The following DENND1A variants were observed in gnomAD, a reference collection of about 807,000 sequenced individuals.
DENND1A encodes the protein DENN domain containing 1A.
Under a neutral mutation model 113.7 loss-of-function variants are expected in DENND1A, and 51 were observed. That is an observed-to-expected ratio of 0.45 (90% CI 0.36 to 0.57). DENND1A has a LOEUF of 0.57. Among genes scored for constraint, DENND1A ranks in the 20% least tolerant of loss-of-function variants. DENND1A has a pLI of 0.00. For synonymous variants in DENND1A, 565 were observed against 570.8 expected, an observed-to-expected ratio of 0.99 and a Z score of 0.14; for missense variants, 1,258 against 1,395.9, an observed-to-expected ratio of 0.90 and a Z score of 1.57.
chr9:123,801,201 C>T (rs1361638684), intron 2 of DENND1A, among the ~76,000 whole-genome samples: 1 of 152,166 alleles, frequency 6.6e-6, no homozygotes, highest in Non-Finnish European at 1.5e-5. Context: ...TCTTTAAGTA[C>T]CATGTTGTGA....
chr9:123,497,718 CT>C (rs1234970049), intron 13 of DENND1A, among the ~76,000 whole-genome samples: 8 of 151,180 alleles, frequency 5.3e-5, no homozygotes, highest in Middle Eastern at 3.4e-3. Context: ...ACCCAAAAAA[CT>C]ACGTTAGCAC....
intron 13 of DENND1A, among the ~76,000 whole-genome samples, chr9:123,537,598 T>C (rs1363909701): frequency 6.6e-6 from 1 of 150,702 alleles, no homozygotes; most frequent in East Asian, 1.9e-4. Context: ...CCAGAACAAC[T>C]ACCAAAGTCA....
rs756730174 is a variant in DENND1A, at chr9:123,477,920, A to G, written c.994-20023T>C. ...GTATTTGTTGATAGAACGTGAACAC[A>G]TGAATTGAGATGATGGCTCCACGTG... On this transcript the variant is annotated intron_variant, in intron 13 of 23. Transcript: ENST00000394215. 6.3e-4 allele frequency among the ~76,000 whole-genome samples: 96 copies of G among 152,262 alleles called. 1 individual carries two copies. Among genetic ancestry groups the G allele is most frequent in the Non-Finnish European group, 1.1e-3 (77 of 68,026 alleles).
At chr9:123,442,824 C>T (rs2047027067) in intron 18 of DENND1A, among the ~76,000 whole-genome samples, 1 of 152,088 alleles carries the variant, frequency 6.6e-6, no homozygotes, top group Non-Finnish European at 1.5e-5. Context: ...GCACCTATTG[C>T]CTTATTTTTG....
intron 21 of DENND1A, among the ~76,000 whole-genome samples, chr9:123,390,565 G>T (rs1334872125): frequency 6.6e-6 from 1 of 152,220 alleles, no homozygotes; most frequent in African/African-American, 2.4e-5. Context: ...TAGAGGGTGA[G>T]GGCTTCATGA....
Position 123,467,065 on chromosome 9 carries a change from A to G in DENND1A, c.994-9168T>C, listed in dbSNP as rs141282311. 5.3e-4 allele frequency among the ~76,000 whole-genome samples: 80 copies of G among 152,218 alleles called. 1 individual carries two copies. In the East Asian group the frequency reaches 0.015, roughly 28 times the overall value. ...GACGTCTCAGGAAAAAAACCCAAAA[A>G]AACAAAAACAAAACAAAACAAAACA... On this transcript the variant is annotated intron_variant, in intron 13 of 23. Transcript: ENST00000394215.
chr9:123,919,510 T>A (rs1855828865), intron 1 of DENND1A, among the ~76,000 whole-genome samples: 1 of 151,796 alleles, frequency 6.6e-6, no homozygotes, highest in Non-Finnish European at 1.5e-5. Context: ...TGGTTAACTT[T>A]TTAGGTGTGA....
chr9:123,903,065 G>A (rs1851977468), intron 1 of DENND1A, among the ~76,000 whole-genome samples: 1 of 152,058 alleles, frequency 6.6e-6, no homozygotes, highest in Non-Finnish European at 1.5e-5. Flanking sequence ...GGGCGCGGTG[G>A]CTCACACCTG....
At chr9:123,664,629 T>A (rs888878527) in intron 8 of DENND1A, among the ~76,000 whole-genome samples, 2 of 152,152 alleles carry the variant, frequency 1.3e-5, no homozygotes, top group Non-Finnish European at 2.9e-5. Flanking sequence ...AAGGCACTTG[T>A]TTAGTGTCCT....
chr9:123,925,474 G>GT (rs779328725), intron 1 of DENND1A, among the ~76,000 whole-genome samples: 20 of 151,628 alleles, frequency 1.3e-4, no homozygotes, highest in East Asian at 3.9e-4. Context: ...CTTGTGTTTT[G>GT]TTTTTTTTGT....
intron 5 of DENND1A, among the ~76,000 whole-genome samples, chr9:123,745,333 T>C (rs1256686746): frequency 1.3e-5 from 2 of 152,184 alleles, no homozygotes; most frequent in Admixed American, 1.3e-4. Context: ...TGAGACCAGA[T>C]TAATGTTTGG....
At chr9:123,560,131 T>G (rs572638169) in intron 12 of DENND1A, among the ~76,000 whole-genome samples, 1 of 152,336 alleles carries the variant, frequency 6.6e-6, no homozygotes, top group South Asian at 2.1e-4. Flanking sequence ...TTGGCTGTTA[T>G]GAATAATGCT....
At chr9:123,531,554 T>TCCACAC (rs71490812) in intron 13 of DENND1A, among the ~76,000 whole-genome samples, 1 of 103,128 alleles carries the variant, frequency 9.7e-6, no homozygotes. Context: ...CCTCTCTCTC[T>TCCACAC]ACACACACAC....
intron 13 of DENND1A, among the ~76,000 whole-genome samples, chr9:123,500,545 C>A (rs752105330): frequency 4.6e-5 from 7 of 152,320 alleles, no homozygotes; most frequent in Middle Eastern, 3.4e-3. Flanking sequence ...GACATAACAC[C>A]TGTGAAGCCT....
intron 12 of DENND1A, among the ~76,000 whole-genome samples, chr9:123,575,564 C>T (rs1289294948): frequency 6.6e-6 from 1 of 152,224 alleles, no homozygotes; most frequent in Non-Finnish European, 1.5e-5. Flanking sequence ...ATCCACATGA[C>T]ATCACTGGTG....
chr9:123,550,623 T>C (rs1343363346), intron 13 of DENND1A, among the ~76,000 whole-genome samples: 4 of 152,206 alleles, frequency 2.6e-5, no homozygotes, highest in African/African-American at 4.8e-5. Flanking sequence ...CACAAATCTA[T>C]CTGCAAAAGT....
At chr9:123,551,890 G>T (rs1478823834) in intron 13 of DENND1A, among the ~76,000 whole-genome samples, 1 of 152,116 alleles carries the variant, frequency 6.6e-6, no homozygotes, top group Non-Finnish European at 1.5e-5. Flanking sequence ...TCAGCAAGCG[G>T]TCCCCTTCCT....
At chr9:123,502,133 A>G (rs1364932283) in intron 13 of DENND1A, among the ~76,000 whole-genome samples, 1 of 151,620 alleles carries the variant, frequency 6.6e-6, no homozygotes, top group Non-Finnish European at 1.5e-5. Flanking sequence ...ATCTACATAT[A>G]TATCTCCTGT....
intron 2 of DENND1A, among the ~76,000 whole-genome samples, chr9:123,870,757 T>TCTA (rs1457601870): frequency 2.6e-5 from 4 of 152,132 alleles, no homozygotes; most frequent in African/African-American, 9.7e-5. Flanking sequence ...TTTTCATGGT[T>TCTA]CTACGACTTT....
Sources: gnomAD v4.1 joint callset for allele counts (sites outside exome capture counted in the v4.1 genomes callset) on GRCh38, gnomAD v4.1.1 for gene constraint, MANE v1.5 for transcripts, NCBI Gene and HGNC (gene_info 2026-07-23, HGNC 2026-07-21) for gene names.